CYP4A22: variants seen among roughly 807,000 people sequenced by gnomAD.
CYP4A22 encodes the protein cytochrome P450 4A22.
A neutral mutation model predicts 56.2 loss-of-function variants in CYP4A22; 46 were observed. That is an observed-to-expected ratio of 0.82 (90% CI 0.65 to 1.05). The LOEUF (loss-of-function observed/expected upper bound fraction) is 1.05. Ranked by LOEUF, CYP4A22 falls within the 50% of genes least tolerant of loss-of-function variation. The pLI is 0.00. For missense variants in CYP4A22, 541 were observed against 645.9 expected (o/e 0.84, Z 1.76); for synonymous variants, 193 against 251.1 (o/e 0.77, Z 2.19).
intron 9 of CYP4A22, among the ~76,000 whole-genome samples, chr1:47,145,251 C>A (rs1645063800): frequency 6.6e-6 from 1 of 152,168 alleles, no homozygotes; most frequent in African/African-American, 2.4e-5. Context: ...GAGAATCAGA[C>A]AAGGGCAGAG....
At chr1:47,145,550 A>C (rs574200988) in intron 9 of CYP4A22, among the ~76,000 whole-genome samples, 12 of 152,342 alleles carry the variant, frequency 7.9e-5, no homozygotes, top group Non-Finnish European at 1.6e-4. Flanking sequence ...TGTTGTATTG[A>C]GTGAGTTCAT....
rs1345422513 is a variant in CYP4A22, at chr1:47,144,403, G to A, written c.837G>A (p.Glu279=). 1 of 1,613,998 alleles carries A rather than the reference G, an allele frequency of 6.2e-7. No individual in the cohort carries two copies. Among genetic ancestry groups the A allele is most frequent in the African/African-American group, 1.3e-5 (1 of 75,062 alleles). The change falls in exon 7 of 12, where the codon GAG becomes GAA. Residue 279 remains glutamate, a synonymous_variant. Transcript: ENST00000371891. ...AGGCTCAACTACAGAAGGAGGGGGAGCTGGAGAAGATCAAGAGGAAGAGGC... is the reference window on the plus strand; with the variant it reads ...AGGCTCAACTACAGAAGGAGGGGGAACTGGAGAAGATCAAGAGGAAGAGGC... ...LRKAQLQKEG[E]LEKIKRKRHL...
intron 2 of CYP4A22, 139 bp downstream of exon 2, chr1:47,141,060 T>C (rs917219120): frequency 7.4e-7 from 1 of 1,353,006 alleles, no homozygotes; most frequent in Non-Finnish European, 1.0e-6. Context: ...AAGCCCACCA[T>C]GCCCAGGCTG....
In CYP4A22 at chr1:47,140,804, C is replaced by G; in HGVS notation, c.220C>G (p.Arg74Gly). 1 of 1,614,148 alleles carries G rather than the reference C, an allele frequency of 6.2e-7. No homozygotes were observed. Among genetic ancestry groups the G allele is most frequent in the South Asian group, 1.1e-5 (1 of 91,084 alleles). The stretch of plus-strand genomic sequence containing the variant: ...GTTCCAACACGACCAGGAGCTACAA[C>G]GGATTCAGGAACGGGTGAAGACATT... ...QEFQHDQELQ[R>G]IQERVKTFPS... Residue 74 changes from arginine to glycine, a missense_variant, in exon 2 of 12, where the codon CGG (arginine) becomes GGG (glycine). Around this residue, in one of 3 missense-constraint regions of CYP4A22, gnomAD observed 335 missense variants for 361.2 expected, o/e 0.93. Coordinates refer to ENST00000371891, the MANE Select transcript of CYP4A22 (RefSeq NM_001010969.4).
At chr1:47,145,057 C>T in intron 9 of CYP4A22, 87 bp downstream of exon 9, 1 of 1,558,406 alleles carries the variant, frequency 6.4e-7, no homozygotes, top group Non-Finnish European at 8.7e-7. Flanking sequence ...GAGTTCTGCA[C>T]ATCTCTGGGT....
intron 11 of CYP4A22, chr1:47,147,272 A>T: frequency 2.0e-6 from 2 of 985,464 alleles, no homozygotes; most frequent in Non-Finnish European, 2.4e-6. Context: ...TGTCGCTGCC[A>T]CTAGAGAACC....
rs1645080731 is a variant in CYP4A22 at position 47,146,772 on chromosome 1, A to G, written c.1364+619A>G. The G allele has an allele frequency of 7.1e-6, 7 of 988,510 alleles. 1 individual carries two copies. The African/African-American group carries it at 1.0e-4, about 15-fold the overall frequency. The allele number at this position is 988,510 out of a possible 1,614,324, so 61.2% of individuals were successfully genotyped here. On this transcript the variant is annotated intron_variant, in intron 11 of 11. Coordinates refer to ENST00000371891, the MANE Select transcript of CYP4A22 (RefSeq NM_001010969.4). ...TCTTGCCCAATGACATTTTTACTTC[A>G]TTATATAGTGTTCACATATTTACAT...
In CYP4A22 at chr1:47,142,095, G is replaced by A. The variant is rs775105535; in HGVS notation, c.383-13G>A. 47 of 1,609,976 alleles carry A rather than the reference G, an allele frequency of 2.9e-5. No individual in the cohort carries two copies. Among genetic ancestry groups the A allele is most frequent in the Middle Eastern group, 1.6e-4 (1 of 6,070 alleles). ...CTGATACACACACATACACATATTC[G>A]TGTCTACCTTAGGGTACGGCTTGCT... On this transcript the variant is annotated splice_polypyrimidine_tract_variant and intron_variant, in intron 3 of 11. Coordinates refer to ENST00000371891, the MANE Select transcript of CYP4A22 (RefSeq NM_001010969.4).
chr1:47,147,834 G>A (rs1645092776), intron 11 of CYP4A22, among the ~76,000 whole-genome samples: 1 of 152,202 alleles, frequency 6.6e-6, no homozygotes, highest in African/African-American at 2.4e-5. Flanking sequence ...GAGGCATTGG[G>A]ATGCTGTCCC....
chr1:47,148,745 A>T lies in CYP4A22; in HGVS notation c.1508A>T (p.His503Leu). Residue 503 changes from histidine (H) to leucine (L), a missense_variant, in exon 12 of 12, where the codon CAC becomes CTC. By Grantham distance (99) the His-to-Leu change is moderately conservative (BLOSUM62 -3). Around this residue, in one of 3 missense-constraint regions of CYP4A22, gnomAD observed 204 missense variants for 258.9 expected, o/e 0.79. Coordinates refer to ENST00000371891, the MANE Select transcript of CYP4A22 (RefSeq NM_001010969.4). Reference protein sequence around the residue: ...RLVLKSKNGIHLRLRRLPNPC... With the variant: ...RLVLKSKNGILLRLRRLPNPC... ...GTGTTGAAATCCAAAAATGGAATCCACCTGCGTCTCAGGAGGCTCCCTAAC... is the reference window on the plus strand; with the variant it reads ...GTGTTGAAATCCAAAAATGGAATCCTCCTGCGTCTCAGGAGGCTCCCTAAC... The T allele has an allele frequency of 6.2e-7, 1 of 1,613,768 alleles. No individual in the cohort carries two copies. The highest frequency in any genetic ancestry group is 1.3e-5 in the African/African-American group (1 of 74,952).
Position 47,144,750 on chromosome 1 carries a change from G to T in CYP4A22, c.1088+10G>T. On this transcript the variant is annotated intron_variant, in intron 8 of 11. Coordinates refer to ENST00000371891, the MANE Select transcript of CYP4A22 (RefSeq NM_001010969.4). Reference sequence around the variant, plus strand: ...GAGCCTCCATCACCTGGTGAGTGAGGGCTCAAAAGATGGGGTTCCCTGCCT... The same window carrying T: ...GAGCCTCCATCACCTGGTGAGTGAGTGCTCAAAAGATGGGGTTCCCTGCCT... The T allele has an allele frequency of 7.4e-6, 12 of 1,613,478 alleles. No individual in the cohort carries two copies. The highest frequency in any genetic ancestry group is 1.0e-5 in the Non-Finnish European group (12 of 1,179,654).
At chr1:47,137,854 C>T (rs916392545) in intron 1 of CYP4A22, among the ~76,000 whole-genome samples, 174 bp downstream of exon 1, 2 of 152,204 alleles carry the variant, frequency 1.3e-5, no homozygotes, top group Admixed American at 1.3e-4. Flanking sequence ...GCTCACTCCT[C>T]CCATGAAGCC....
chr1:47,140,682 A>T, intron 1 of CYP4A22, 98 bp from the exon 2 acceptor site: 1 of 1,541,100 alleles, frequency 6.5e-7, no homozygotes, highest in Non-Finnish European at 8.8e-7. Context: ...TAAATCCCTA[A>T]CCCGTGCTAC....
rs1429080570 is a variant in CYP4A22, at chr1:47,144,751, G to T, written c.1088+11G>T. ...AGCCTCCATCACCTGGTGAGTGAGG[G>T]CTCAAAAGATGGGGTTCCCTGCCTT... On this transcript the variant is annotated intron_variant, in intron 8 of 11. Coordinates refer to ENST00000371891, the MANE Select transcript of CYP4A22 (RefSeq NM_001010969.4). The T allele has an allele frequency of 6.2e-7, 1 of 1,613,418 alleles. No homozygotes were observed. The highest frequency in any genetic ancestry group is 8.5e-7 in the Non-Finnish European group (1 of 1,179,630).
chr1:47,139,471 A>C (rs1323929532), intron 1 of CYP4A22, among the ~76,000 whole-genome samples: 3 of 152,166 alleles, frequency 2.0e-5, no homozygotes, highest in African/African-American at 4.8e-5. Flanking sequence ...GCTTCCCCAG[A>C]TGCTTGTCCT....
intron 6 of CYP4A22, 110 bp downstream of exon 6, chr1:47,144,026 ACT>A (rs1175916973): frequency 1.1e-5 from 17 of 1,500,300 alleles, no homozygotes; most frequent in Non-Finnish European, 1.3e-5. Flanking sequence ...GCCAGAACAC[ACT>A]CAGCCTGGGG....
chr1:47,139,398 G>T (rs1208109230), intron 1 of CYP4A22, among the ~76,000 whole-genome samples: 2 of 152,204 alleles, frequency 1.3e-5, no homozygotes, highest in African/African-American at 4.8e-5. Context: ...CTCAGTAAAT[G>T]ATGACTCAGT....
intron 11 of CYP4A22, among the ~76,000 whole-genome samples, chr1:47,147,989 G>A (rs1267841794): frequency 6.6e-6 from 1 of 152,214 alleles, no homozygotes; most frequent in Non-Finnish European, 1.5e-5. Flanking sequence ...GAAGGCTACA[G>A]GGGCTGGTGG....
At chr1:47,141,048 C>T (rs1645003594) in intron 2 of CYP4A22, 127 bp downstream of exon 2, 1 of 1,405,208 alleles carries the variant, frequency 7.1e-7, no homozygotes, top group Non-Finnish European at 9.6e-7. Flanking sequence ...CACGCATCCA[C>T]CAAGCCCACC....
Sources: gnomAD v4.1 joint callset for allele counts (sites outside exome capture counted in the v4.1 genomes callset) on GRCh38, gnomAD v4.1.1 for gene constraint, gnomAD v4.1.1 regional missense constraint, MANE v1.5 for transcripts, NCBI Gene and HGNC (gene_info 2026-07-23, HGNC 2026-07-21) for gene names.